The following CCSER1 variants were observed in gnomAD, a reference collection of about 807,000 sequenced individuals.
The protein encoded by CCSER1 is serine-rich coiled-coil domain-containing protein 1.
A neutral mutation model predicts 82.0 loss-of-function variants in CCSER1; 41 were observed. The observed-to-expected ratio is 0.50, with a 90% CI of 0.39 to 0.65. The LOEUF (loss-of-function observed/expected upper bound fraction) is 0.65, where lower values mean the gene tolerates loss of function less well. CCSER1 is among the 30% of genes least tolerant of loss of function. CCSER1 has a pLI of 0.00. For synonymous variants in CCSER1, 414 were observed against 383.9 expected (o/e 1.08, Z -0.92); for missense variants, 1,119 against 1,064.2 (o/e 1.05, Z -0.72).
intron 1 of CCSER1, among the ~76,000 whole-genome samples, chr4:90,256,057 A>G (rs1189300223): frequency 1.3e-5 from 2 of 152,178 alleles, no homozygotes; most frequent in Non-Finnish European, 2.9e-5. Context: ...TGTATCCAGA[A>G]GTATGCCAAA....
At chr4:90,145,462 T>C (rs1010859875) in intron 1 of CCSER1, among the ~76,000 whole-genome samples, 5 of 152,178 alleles carry the variant, frequency 3.3e-5, no homozygotes, top group African/African-American at 1.2e-4. Context: ...TTCAGTTTCA[T>C]GCTCTGCATC....
At chr4:90,984,416 G>A (rs1175966079) in intron 9 of CCSER1, among the ~76,000 whole-genome samples, 1 of 151,716 alleles carries the variant, frequency 6.6e-6, no homozygotes, top group Non-Finnish European at 1.5e-5. Context: ...CTGTACGTTA[G>A]CCAAGCAGGA....
intron 10 of CCSER1, among the ~76,000 whole-genome samples, chr4:91,547,927 G>T (rs533568357): frequency 3.3e-5 from 5 of 151,912 alleles, no homozygotes; most frequent in African/African-American, 1.2e-4. Context: ...GATTACAGGC[G>T]CATGCCACCA....
chr4:91,369,661 CTTTTTTTTTTT>C (rs573494038), intron 10 of CCSER1, among the ~76,000 whole-genome samples: 18 of 73,418 alleles, frequency 2.5e-4, no homozygotes, highest in East Asian at 5.3e-4. Context: ...TAATCTGTAG[CTTTTTTTTTTT>C]TTTTTTTTTT....
intron 6 of CCSER1, among the ~76,000 whole-genome samples, chr4:90,665,737 G>A (rs962887040): frequency 6.6e-6 from 1 of 152,178 alleles, no homozygotes; most frequent in Non-Finnish European, 1.5e-5. Flanking sequence ...TATTGCTGCT[G>A]TAACAAATTA....
intron 10 of CCSER1, among the ~76,000 whole-genome samples, chr4:91,520,346 C>T (rs541054480): frequency 4.6e-4 from 69 of 150,540 alleles, no homozygotes; most frequent in African/African-American, 1.5e-3. Context: ...TGGCCTTGAA[C>T]GTGTAGGCTC....
intron 1 of CCSER1, among the ~76,000 whole-genome samples, chr4:90,305,282 A>G (rs1030365781): frequency 3.9e-5 from 6 of 152,200 alleles, no homozygotes; most frequent in African/African-American, 1.4e-4. Flanking sequence ...ATATTTTAAT[A>G]TACATAAATT....
chr4:91,198,521 A>G (rs77522116), intron 10 of CCSER1, among the ~76,000 whole-genome samples: 8,407 of 152,212 alleles, frequency 0.055, 306 homozygotes, highest in African/African-American at 0.11. Context: ...TCATGCTTCA[A>G]TGAAAATGAG....
intron 10 of CCSER1, among the ~76,000 whole-genome samples, chr4:91,420,363 T>G (rs1274825243): frequency 6.6e-6 from 1 of 152,100 alleles, no homozygotes; most frequent in African/African-American, 2.4e-5. Flanking sequence ...AATTACCTTA[T>G]TTAAAAATGG....
rs79492133 is a variant in CCSER1 at position 91,212,975 on chromosome 4, G to A, written c.2217+126981G>A. Among the ~76,000 whole-genome samples, 572 of 152,230 alleles carry A rather than the reference G, an allele frequency of 3.8e-3. 2 individuals carry two copies. The highest frequency in any genetic ancestry group is 0.013 in the African/African-American group (529 of 41,540). On this transcript the variant is annotated intron_variant, in intron 10 of 10. Transcript: ENST00000509176. ...TTCAATATTTAGCTCCCACTTATAA[G>A]TGAGAACACGTGGTAGTTTGTTTTC... is the stretch of plus-strand genomic sequence containing the variant.
intron 10 of CCSER1, among the ~76,000 whole-genome samples, chr4:91,347,991 G>T: frequency 6.6e-6 from 1 of 151,364 alleles, no homozygotes; most frequent in Admixed American, 6.6e-5. Context: ...TTATTTCATT[G>T]GCTGGTACTC....
chr4:90,385,418 G>A (rs1425536711), intron 3 of CCSER1, among the ~76,000 whole-genome samples: 1 of 137,400 alleles, frequency 7.3e-6, no homozygotes, highest in Non-Finnish European at 1.6e-5. Flanking sequence ...TGACTTTTTA[G>A]TAATGACCGT....
intron 8 of CCSER1, among the ~76,000 whole-genome samples, chr4:90,895,685 G>T (rs1331916865): frequency 1.3e-5 from 2 of 151,742 alleles, no homozygotes; most frequent in African/African-American, 4.8e-5. Context: ...GGCTTTGGGT[G>T]AAGTATAATA....
At chr4:90,623,023 A>ATTTTTTT (rs35838784) in intron 5 of CCSER1, among the ~76,000 whole-genome samples, 5 of 112,620 alleles carry the variant, frequency 4.4e-5, no homozygotes, top group Non-Finnish European at 5.4e-5. Context: ...TGGGTAAAGG[A>ATTTTTTT]TTTTTTTTTT....
intron 8 of CCSER1, among the ~76,000 whole-genome samples, chr4:90,913,567 G>A (rs1460020585): frequency 6.6e-6 from 1 of 152,136 alleles, no homozygotes; most frequent in Non-Finnish European, 1.5e-5. Flanking sequence ...TCGAGGCTAG[G>A]AAGAAACTGC....
intron 9 of CCSER1, among the ~76,000 whole-genome samples, chr4:91,064,837 G>C (rs1720636088): frequency 6.6e-6 from 1 of 150,516 alleles, no homozygotes; most frequent in Non-Finnish European, 1.5e-5. Flanking sequence ...AATACGTAGG[G>C]GACAGAGGAA....
At chr4:91,183,277 A>T (rs1294911656) in intron 10 of CCSER1, among the ~76,000 whole-genome samples, 2 of 152,184 alleles carry the variant, frequency 1.3e-5, no homozygotes, top group Non-Finnish European at 2.9e-5. Context: ...TCAATATCTC[A>T]ATTACAGCTA....
At chr4:91,300,093 C>T (rs1000799253) in intron 10 of CCSER1, among the ~76,000 whole-genome samples, 1 of 151,746 alleles carries the variant, frequency 6.6e-6, no homozygotes, top group African/African-American at 2.4e-5. Context: ...CTCAGGAAGT[C>T]AATAATCCTT....
intron 10 of CCSER1, among the ~76,000 whole-genome samples, chr4:91,394,357 C>T (rs1751838720): frequency 6.6e-6 from 1 of 151,952 alleles, no homozygotes; most frequent in Non-Finnish European, 1.5e-5. Context: ...ATAAGTTCCT[C>T]AGTATGGCCA....
Sources: allele counts gnomAD v4.1 joint callset (sites outside exome capture counted in the v4.1 genomes callset), GRCh38; gene constraint gnomAD v4.1.1; transcripts MANE v1.5; gene names NCBI Gene and HGNC (gene_info 2026-07-23, HGNC 2026-07-21).